PDE1C: variants seen among roughly 807,000 people sequenced by gnomAD.
PDE1C encodes the protein dual specificity calcium/calmodulin-dependent 3',5'-cyclic nucleotide phosphodiesterase 1C.
A neutral mutation model predicts 93.1 loss-of-function variants in PDE1C; 62 were observed. The observed-to-expected ratio is 0.67, with a 90% CI of 0.54 to 0.82. The LOEUF is 0.82. Among genes scored for constraint, PDE1C ranks in the 40% least tolerant of loss-of-function variants. The pLI is 0.00. For missense variants in PDE1C, 742 were observed against 884.6 expected (o/e 0.84, Z 2.04); for synonymous variants, 325 against 310.1 (o/e 1.05, Z -0.50).
rs576729919 is a variant in PDE1C at position 31,819,195 on chromosome 7, C to G, written c.1583-3041G>C. Among the ~76,000 whole-genome samples, 375 of 152,212 alleles carry G rather than the reference C, an allele frequency of 2.5e-3. 1 individual carries two copies. Among genetic ancestry groups the G allele is most frequent in the Admixed American group, 2.6e-3 (39 of 15,278 alleles). ...CTCAATTTCCATCTCTTAGTCACAT[C>G]TCTGAGATAGCTGACATTAGTGTGA... On this transcript the variant is annotated intron_variant, in intron 14 of 17. Coordinates refer to ENST00000396191, the MANE Select transcript of PDE1C (RefSeq NM_001191057.4).
At chr7:32,077,968 T>A in intron 3 of PDE1C, 2 of 985,442 alleles carry the variant, frequency 2.0e-6, no homozygotes, top group Non-Finnish European at 2.4e-6. Context: ...AGCAAGACAG[T>A]GCAGGCCTCC....
At chr7:31,618,913 G>A in the PDE1C span, among the ~76,000 whole-genome samples, 1 of 152,164 alleles carries the variant, frequency 6.6e-6, no homozygotes, top group Non-Finnish European at 1.5e-5. Context: ...AGCCAAAGTG[G>A]ATAAAATGGT....
chr7:31,827,160 C>T (rs560448399), intron 12 of PDE1C, among the ~76,000 whole-genome samples: 9 of 152,242 alleles, frequency 5.9e-5, no homozygotes, highest in East Asian at 3.9e-4. Context: ...CATCCTACTC[C>T]GTACCCAATG....
chr7:31,980,848 A>G (rs1812281687), intron 2 of PDE1C, among the ~76,000 whole-genome samples: 1 of 152,212 alleles, frequency 6.6e-6, no homozygotes, highest in Non-Finnish European at 1.5e-5. Context: ...AAAGCCAGTC[A>G]GTAGGGCATC....
chr7:31,697,878 A>T, the PDE1C span, among the ~76,000 whole-genome samples: 1 of 152,218 alleles, frequency 6.6e-6, no homozygotes, highest in African/African-American at 2.4e-5. Context: ...AGACTAAGAA[A>T]CAGAGAATTT....
intron 2 of PDE1C, among the ~76,000 whole-genome samples, chr7:32,024,421 A>T: frequency 6.7e-6 from 1 of 149,248 alleles, no homozygotes; most frequent in South Asian, 2.1e-4. Flanking sequence ...GTGTGTGTGT[A>T]TGTATAAGAG....
chr7:31,621,187 G>GAT, the PDE1C span, among the ~76,000 whole-genome samples: 1 of 152,274 alleles, frequency 6.6e-6, no homozygotes, highest in South Asian at 2.1e-4. Flanking sequence ...CAATCTGCAG[G>GAT]ATATTATCCA....
At chr7:32,276,211 A>G (rs1350295955) in intron 1 of PDE1C, among the ~76,000 whole-genome samples, 1 of 152,216 alleles carries the variant, frequency 6.6e-6, no homozygotes, top group Non-Finnish European at 1.5e-5. Context: ...AACTCTAAGA[A>G]ATAGGTACTA....
intron 5 of PDE1C, among the ~76,000 whole-genome samples, chr7:31,874,871 C>G (rs1170938547): frequency 1.3e-5 from 2 of 152,186 alleles, no homozygotes; most frequent in Non-Finnish European, 2.9e-5. Context: ...GTTACTTTCT[C>G]CAGTTTTATA....
chr7:31,697,536 T>C, the PDE1C span, among the ~76,000 whole-genome samples: 2 of 152,160 alleles, frequency 1.3e-5, no homozygotes, highest in African/African-American at 4.8e-5. Flanking sequence ...GAAATAAGGA[T>C]AGCTATCTGA....
intron 1 of PDE1C, among the ~76,000 whole-genome samples, chr7:32,336,665 A>G (rs1469295828): frequency 2.0e-5 from 3 of 152,234 alleles, no homozygotes; most frequent in Non-Finnish European, 4.4e-5. Flanking sequence ...GATTGAGCCT[A>G]AAAGACTAGA....
intron 1 of PDE1C, among the ~76,000 whole-genome samples, chr7:32,402,347 T>C (rs73307833): frequency 0.039 from 5,878 of 152,070 alleles, 275 homozygotes; most frequent in African/African-American, 0.12. Flanking sequence ...AGAAAGCCAG[T>C]GGGGTAGTTT....
chr7:31,963,969 G>A (rs1387169398), intron 2 of PDE1C, among the ~76,000 whole-genome samples: 1 of 152,320 alleles, frequency 6.6e-6, no homozygotes, highest in Middle Eastern at 3.4e-3. Flanking sequence ...AGAAAAAAGT[G>A]GGGTGGAGGC....
the PDE1C span, among the ~76,000 whole-genome samples, chr7:31,687,984 T>G: frequency 1.3e-5 from 2 of 152,196 alleles, no homozygotes; most frequent in African/African-American, 4.8e-5. Flanking sequence ...ATGGGTTGGT[T>G]TTTGTCTTGA....
exon 1 of PDE1C, chr7:32,298,916 G>A (rs1812801253): frequency 7.4e-7 from 1 of 1,354,928 alleles, no homozygotes; most frequent in African/African-American, 1.6e-5. Flanking sequence ...GGGACCCAAT[G>A]TCAACAGCTA....
At chr7:31,853,728 T>TA (rs200689741) in intron 7 of PDE1C, among the ~76,000 whole-genome samples, 2,434 of 152,020 alleles carry the variant, frequency 0.016, 56 homozygotes, top group African/African-American at 0.056. Flanking sequence ...TGTTTTTTTT[T>TA]AAACAGGGTC....
chr7:31,723,239 G>A, the PDE1C span, among the ~76,000 whole-genome samples: 1 of 152,160 alleles, frequency 6.6e-6, no homozygotes, highest in Non-Finnish European at 1.5e-5. Flanking sequence ...TACTTCATCT[G>A]TGTTAAGTTT....
chr7:32,419,323 T>C lies in PDE1C; in HGVS notation c.310+8499A>G, dbSNP rs190674730. On this transcript the variant is annotated intron_variant, in intron 1 of 1. Coordinates refer to the PDE1C transcript ENST00000672256. Reference sequence around the variant, plus strand: ...TCCAGAATATTTATAAGACAGAACTTGCTAAAAAGAGTACTCAAAAAATAG... The same window carrying C: ...TCCAGAATATTTATAAGACAGAACTCGCTAAAAAGAGTACTCAAAAAATAG... Among the ~76,000 whole-genome samples, 153 of 152,196 alleles carry C rather than the reference T, an allele frequency of 1.0e-3. 2 individuals are homozygous for C. The Middle Eastern group carries it at 0.02, about 20-fold the overall frequency.
At chr7:31,743,608 C>G in the PDE1C span, among the ~76,000 whole-genome samples, 8 of 151,560 alleles carry the variant, frequency 5.3e-5, no homozygotes, top group East Asian at 1.6e-3. Flanking sequence ...TTCTGTTCTG[C>G]AAAAAAGTAA....
Sources: allele counts gnomAD v4.1 joint callset (sites outside exome capture counted in the v4.1 genomes callset), GRCh38; gene constraint gnomAD v4.1.1; transcripts MANE v1.5; gene names NCBI Gene and HGNC (gene_info 2026-07-23, HGNC 2026-07-21).